Variants in ABCA12 observed in about 807,000 individuals in gnomAD.
ABCA12 encodes the protein ATP binding cassette subfamily A member 12, also known as glucosylceramide transporter ABCA12.
In ABCA12, 156 loss-of-function variants were observed where a neutral mutation model predicts 293.5. The observed-to-expected ratio is 0.53, with a 90% CI of 0.47 to 0.61. ABCA12 has a LOEUF of 0.61. Among genes scored for constraint, ABCA12 ranks in the 20% least tolerant of loss-of-function variants. ABCA12 has a pLI of 0.00. For missense variants in ABCA12, 2,797 were observed against 3,090.2 expected, an observed-to-expected ratio of 0.91 and a Z score of 2.25; for synonymous variants, 1,063 against 1,108.0, an observed-to-expected ratio of 0.96 and a Z score of 0.81.
intron 2 of ABCA12, among the ~76,000 whole-genome samples, chr2:215,094,113 G>C (rs149795940): frequency 3.3e-5 from 5 of 152,116 alleles, no homozygotes; most frequent in African/African-American, 1.2e-4. Flanking sequence ...GAAGGACTGC[G>C]TGTCAATATT....
intron 8 of ABCA12, among the ~76,000 whole-genome samples, chr2:215,035,122 C>T (rs1278786979): frequency 6.6e-6 from 1 of 152,092 alleles, no homozygotes; most frequent in African/African-American, 2.4e-5. Flanking sequence ...GTTTAAGTTC[C>T]CTGAAAGTTT....
intron 8 of ABCA12, among the ~76,000 whole-genome samples, chr2:215,035,032 T>C (rs1178692702): frequency 6.6e-6 from 1 of 152,134 alleles, no homozygotes; most frequent in African/African-American, 2.4e-5. Context: ...GTGGCCTGGG[T>C]TACGGGGCAG....
chr2:215,029,483 T>G (rs934069231), intron 9 of ABCA12: 1 of 152,214 alleles, frequency 6.6e-6, no homozygotes, highest in Non-Finnish European at 1.5e-5. Flanking sequence ...TGTTACAACA[T>G]AGAGCTATTT....
At chr2:215,070,274 C>A (rs1374974493) in intron 2 of ABCA12, among the ~76,000 whole-genome samples, 1 of 152,092 alleles carries the variant, frequency 6.6e-6, no homozygotes, top group African/African-American at 2.4e-5. Flanking sequence ...TGAATCCATT[C>A]GCCATCTATT....
chr2:214,989,357 A>G lies in ABCA12; in HGVS notation c.3801T>C (p.Ile1267=). ...ILADSFIYFL[I]AWYVRNVFPG... is the part of the protein sequence containing the mutation. ...GGAAGACATTCCTGACATACCAAGC[A>G]ATAAGGAAATAAATGAAAGAGTCAG... The change falls in exon 26 of 53, where the codon ATT becomes ATC. Residue 1267 remains isoleucine, a synonymous_variant. Coordinates refer to ENST00000272895, the MANE Select transcript of ABCA12 (RefSeq NM_173076.3). 1 of 1,613,604 alleles carries G rather than the reference A, an allele frequency of 6.2e-7. No individual in the cohort carries two copies. The highest frequency in any genetic ancestry group is 8.5e-7 in the Non-Finnish European group (1 of 1,179,916).
intron 1 of ABCA12, among the ~76,000 whole-genome samples, chr2:215,129,820 A>G (rs1050343921): frequency 6.6e-6 from 1 of 152,150 alleles, no homozygotes; most frequent in Non-Finnish European, 1.5e-5. Flanking sequence ...AATGTCCAGA[A>G]AAGTTTTTCC....
chr2:215,115,489 C>CT (rs1702666335), intron 1 of ABCA12, among the ~76,000 whole-genome samples: 1 of 152,062 alleles, frequency 6.6e-6, no homozygotes, highest in Non-Finnish European at 1.5e-5. Flanking sequence ...CACATATAGA[C>CT]ACAGGAGCTA....
chr2:214,939,089 G>GTGTTTA (rs773679424), intron 50 of ABCA12, among the ~76,000 whole-genome samples: 1 of 151,520 alleles, frequency 6.6e-6, no homozygotes, highest in Admixed American at 6.6e-5. Context: ...TTATGTTTAA[G>GTGTTTA]TGTTTATGTT....
Position 214,970,355 on chromosome 2 carries a change from A to T in ABCA12, c.5608T>A (p.Ser1870Thr). The T allele has an allele frequency of 6.2e-7, 1 of 1,613,312 alleles. No homozygotes were observed. Among genetic ancestry groups the T allele is most frequent in the Non-Finnish European group, 8.5e-7 (1 of 1,179,432 alleles). The change falls in exon 37 of 53, where the codon TCA becomes ACA. Residue 1870 changes from serine to threonine, a missense_variant. This residue lies in a region of ABCA12 where 2,130 missense variants were observed against 2,427.0 expected (regional missense o/e 0.88). Coordinates refer to ENST00000272895, the MANE Select transcript of ABCA12 (RefSeq NM_173076.3). The part of the protein sequence containing the change: ...NYSPPHRRTY[S>T]SQVIYNLTGQ... ...GTGAGGTTATAAATTACCTGGGATG[A>T]GTAAGTTCTTCTGTGCGGTGGGGAA...
intron 17 of ABCA12, among the ~76,000 whole-genome samples, chr2:215,010,829 G>A (rs1700356020): frequency 6.6e-6 from 1 of 152,040 alleles, no homozygotes; most frequent in Non-Finnish European, 1.5e-5. Context: ...ATACATAAGA[G>A]CTGTTCAATA....
intron 27 of ABCA12, 46 bp from the exon 28 acceptor site, chr2:214,986,774 A>G (rs754181379): frequency 2.0e-6 from 3 of 1,531,702 alleles, no homozygotes; most frequent in Non-Finnish European, 2.7e-6. Context: ...AAGTAAGGTA[A>G]TGCAGCTAGA....
chr2:214,996,682 A>C (rs756983201), intron 23 of ABCA12, among the ~76,000 whole-genome samples: 1 of 152,168 alleles, frequency 6.6e-6, no homozygotes, highest in Non-Finnish European at 1.5e-5. Context: ...AAATTCAAAC[A>C]GAAGAGGTAA....
At chr2:215,083,953 A>C (rs2106097856) in intron 2 of ABCA12, among the ~76,000 whole-genome samples, 1 of 152,214 alleles carries the variant, frequency 6.6e-6, no homozygotes, top group Non-Finnish European at 1.5e-5. Flanking sequence ...TCTTTTTTAT[A>C]AAGAATATCT....
At chr2:214,946,769 A>G (rs1363715181) in intron 48 of ABCA12, among the ~76,000 whole-genome samples, 1 of 152,118 alleles carries the variant, frequency 6.6e-6, no homozygotes, top group African/African-American at 2.4e-5. Flanking sequence ...ACAAAGTTAG[A>G]CTTGGGGTGC....
chr2:215,020,256 AATT>A (rs1700598595), intron 11 of ABCA12, among the ~76,000 whole-genome samples: 1 of 150,558 alleles, frequency 6.6e-6, no homozygotes, highest in Non-Finnish European at 1.5e-5. Flanking sequence ...GATGTGGAGA[AATT>A]ATAACCCTTG....
chr2:215,044,529 T>C (rs547751950), intron 7 of ABCA12: 2 of 152,094 alleles, frequency 1.3e-5, no homozygotes. Context: ...TGAGTGAAAA[T>C]TTCCCTAAGA....
intron 2 of ABCA12, among the ~76,000 whole-genome samples, chr2:215,078,198 T>C (rs1701869857): frequency 6.6e-6 from 1 of 152,212 alleles, no homozygotes; most frequent in Non-Finnish European, 1.5e-5. Flanking sequence ...ATGATACCGC[T>C]TTATTAGTGG....
intron 2 of ABCA12, among the ~76,000 whole-genome samples, chr2:215,069,826 C>G (rs1285805311): frequency 6.6e-6 from 1 of 152,146 alleles, no homozygotes; most frequent in African/African-American, 2.4e-5. Flanking sequence ...CTAATAGAGA[C>G]TCTAACCTAG....
At chr2:214,966,818 T>A (rs1699270965) in intron 39 of ABCA12, 30 bp downstream of exon 39, 4 of 1,599,070 alleles carry the variant, frequency 2.5e-6, no homozygotes, top group Non-Finnish European at 3.4e-6. Context: ...GAAGTTGCAA[T>A]ACAGGACACT....
Sources: gnomAD v4.1 joint callset for allele counts (sites outside exome capture counted in the v4.1 genomes callset) on GRCh38, gnomAD v4.1.1 for gene constraint, gnomAD v4.1.1 regional missense constraint, MANE v1.5 for transcripts, NCBI Gene and HGNC (gene_info 2026-07-23, HGNC 2026-07-21) for gene names.